The following SUGCT variants were observed in gnomAD, a reference collection of about 807,000 sequenced individuals.
The protein encoded by SUGCT is succinyl-CoA:glutarate CoA-transferase.
A neutral mutation model predicts 55.0 loss-of-function variants in SUGCT; 41 were observed. That is an observed-to-expected ratio of 0.74 (90% CI 0.58 to 0.97). The LOEUF is 0.97. SUGCT is among the 50% of genes least tolerant of loss of function. The pLI is 0.00. For missense variants in SUGCT, 568 were observed against 547.8 expected (o/e 1.04, Z -0.37); for synonymous variants, 187 against 200.4 (o/e 0.93, Z 0.56).
intron 12 of SUGCT, among the ~76,000 whole-genome samples, chr7:40,727,260 C>A (rs1207427208): frequency 6.6e-6 from 1 of 152,138 alleles, no homozygotes; most frequent in Non-Finnish European, 1.5e-5. Context: ...GGAAGTTATT[C>A]TTCAGCTTAT....
chr7:40,381,176 G>T (rs531708381), intron 9 of SUGCT, among the ~76,000 whole-genome samples: 35 of 152,036 alleles, frequency 2.3e-4, no homozygotes, highest in Non-Finnish European at 4.7e-4. Context: ...GATTCTCATA[G>T]TAGTGTTATG....
intron 8 of SUGCT, among the ~76,000 whole-genome samples, chr7:40,315,065 T>G (rs1185541748): frequency 6.6e-6 from 1 of 152,196 alleles, no homozygotes; most frequent in Non-Finnish European, 1.5e-5. Context: ...TATTTATATA[T>G]TAGGGTTTCA....
intron 9 of SUGCT, among the ~76,000 whole-genome samples, chr7:40,394,761 A>G (rs974821539): frequency 1.8e-4 from 28 of 152,196 alleles, no homozygotes; most frequent in African/African-American, 6.3e-4. Flanking sequence ...ACATTTATAT[A>G]TAAGTGAGGT....
intron 7 of SUGCT, among the ~76,000 whole-genome samples, chr7:40,263,999 T>A (rs1791393138): frequency 6.6e-6 from 1 of 152,112 alleles, no homozygotes; most frequent in African/African-American, 2.4e-5. Context: ...AGAAAAATGA[T>A]CTTCCTGTTC....
At chr7:41,006,350 A>G in the SUGCT span, among the ~76,000 whole-genome samples, 8,255 of 152,238 alleles carry the variant, frequency 0.054, 738 homozygotes, top group African/African-American at 0.19. Flanking sequence ...CTCTGAGCCA[A>G]CAAGATATAG....
At chr7:40,577,637 A>G (rs1796840143) in intron 12 of SUGCT, among the ~76,000 whole-genome samples, 1 of 152,156 alleles carries the variant, frequency 6.6e-6, no homozygotes, top group Admixed American at 6.5e-5. Flanking sequence ...TCAGTGCTAT[A>G]TGCACATCAC....
Position 40,733,560 on chromosome 7 carries a change from C to T in SUGCT, c.1090-15874C>T, listed in dbSNP as rs75531510. ...CCTTAGTGTTTTTAAGTCTTAGAAA[C>T]GTGTTAATTATCATAATGGTTCTGG... On this transcript the variant is annotated intron_variant, in intron 12 of 13. Coordinates refer to ENST00000335693, the MANE Select transcript of SUGCT (RefSeq NM_001193313.2). Among the ~76,000 whole-genome samples, 311 of 152,250 alleles carry T rather than the reference C, an allele frequency of 2.0e-3. 2 individuals are homozygous for T. Among genetic ancestry groups the T allele is most frequent in the African/African-American group, 7.2e-3 (299 of 41,538 alleles).
At chr7:40,535,286 T>A (rs2151604114) in intron 12 of SUGCT, among the ~76,000 whole-genome samples, 1 of 152,298 alleles carries the variant, frequency 6.6e-6, no homozygotes, top group East Asian at 1.9e-4. Context: ...TACTCAATAG[T>A]TAGTTGGTCA....
rs759340955 is a variant in SUGCT, at chr7:40,317,131, C to CT, written c.816+288dup. On this transcript the variant is annotated intron_variant, in intron 9 of 13. Transcript: ENST00000335693. ...CCTTTTGGGCTCGTATGATGGTTTT[C>CT]TTTTTTTTTTTTCCCACCTAAAAGA... 9.9e-3 allele frequency among the ~76,000 whole-genome samples: 938 copies of CT among 94,506 alleles called. 7 individuals carry two copies. The highest frequency in any genetic ancestry group is 0.026 in the African/African-American group (877 of 33,526). The allele number at this position is 94,506 out of a possible 152,430, so 62.0% of individuals were successfully genotyped here. A position where few individuals can be genotyped will look rare whatever the true frequency, so the allele number is the denominator to read the frequency against.
chr7:40,667,700 A>G (rs1400744331), intron 12 of SUGCT, among the ~76,000 whole-genome samples: 2 of 150,658 alleles, frequency 1.3e-5, no homozygotes, highest in Non-Finnish European at 2.9e-5. Context: ...CCAGTAATTT[A>G]TTCATTTCCT....
chr7:41,036,636 T>C, the SUGCT span, among the ~76,000 whole-genome samples: 5 of 152,298 alleles, frequency 3.3e-5, no homozygotes. Flanking sequence ...GCAAAAGTAA[T>C]TGCCATTACT....
the SUGCT span, among the ~76,000 whole-genome samples, chr7:40,941,915 G>T: frequency 1.3e-5 from 2 of 151,862 alleles, no homozygotes; most frequent in Non-Finnish European, 1.5e-5. Context: ...CCATTTTCAT[G>T]TAACATATTT....
At chr7:40,615,711 C>T (rs766274761) in intron 12 of SUGCT, among the ~76,000 whole-genome samples, 14 of 152,134 alleles carry the variant, frequency 9.2e-5, no homozygotes, top group Non-Finnish European at 1.6e-4. Flanking sequence ...AATTGTTTAG[C>T]GAAAACACAA....
chr7:40,206,585 A>G (rs576115280), intron 6 of SUGCT, among the ~76,000 whole-genome samples: 1 of 152,334 alleles, frequency 6.6e-6, no homozygotes, highest in African/African-American at 2.4e-5. Flanking sequence ...CGTACAGTTA[A>G]GTTTATATGA....
At chr7:40,341,690 G>A (rs1175559962) in intron 9 of SUGCT, among the ~76,000 whole-genome samples, 1 of 152,130 alleles carries the variant, frequency 6.6e-6, no homozygotes, top group Admixed American at 6.5e-5. Flanking sequence ...CCTATTTAGG[G>A]AAAAAGAAAC....
At chr7:40,953,523 G>A in the SUGCT span, among the ~76,000 whole-genome samples, 1 of 152,178 alleles carries the variant, frequency 6.6e-6, no homozygotes, top group Admixed American at 6.5e-5. Context: ...AGGAGGAGAG[G>A]TCTTCTGACT....
At chr7:40,527,386 T>G (rs1192548650) in intron 12 of SUGCT, among the ~76,000 whole-genome samples, 2 of 152,242 alleles carry the variant, frequency 1.3e-5, no homozygotes, top group Non-Finnish European at 2.9e-5. Flanking sequence ...AACTCTCTTG[T>G]TGCATTAGAT....
the SUGCT span, among the ~76,000 whole-genome samples, chr7:41,028,508 A>G: frequency 6.6e-6 from 1 of 152,184 alleles, no homozygotes; most frequent in Admixed American, 6.5e-5. Flanking sequence ...GTGCACTTAC[A>G]CAAACCTAGG....
chr7:40,168,122 C>G (rs558073202), intron 1 of SUGCT, among the ~76,000 whole-genome samples: 1 of 152,302 alleles, frequency 6.6e-6, no homozygotes, highest in South Asian at 2.1e-4. Context: ...TGGATGTGAG[C>G]TGAGTTAGAA....
Sources: gnomAD v4.1 joint callset for allele counts (sites outside exome capture counted in the v4.1 genomes callset) on GRCh38, gnomAD v4.1.1 for gene constraint, MANE v1.5 for transcripts, NCBI Gene and HGNC (gene_info 2026-07-23, HGNC 2026-07-21) for gene names.